Variants in PARG observed in about 807,000 individuals in gnomAD.
PARG encodes the protein mitochondrial poly(ADP-ribose) glycohydrolase.
A neutral mutation model predicts 113.0 loss-of-function variants in PARG; 35 were observed. That is an observed-to-expected ratio of 0.31 (90% CI 0.24 to 0.41). PARG has a LOEUF of 0.41. Among genes scored for constraint, PARG ranks in the 10% least tolerant of loss-of-function variants. The pLI is 1.00. For synonymous variants in PARG, 330 were observed against 409.9 expected (o/e 0.81, Z 2.36); for missense variants, 797 against 1,169.4 (o/e 0.68, Z 4.64).
chr10:49,836,225 CTACTA>C (rs1554831079), intron 15 of PARG, among the ~76,000 whole-genome samples: 1 of 148,742 alleles, frequency 6.7e-6, no homozygotes, highest in African/African-American at 2.5e-5. Flanking sequence ...TGAAATCAAT[CTACTA>C]TACTTCTTTA....
intron 13 of PARG, among the ~76,000 whole-genome samples, chr10:49,854,388 C>G (rs1845891478): frequency 6.6e-6 from 1 of 152,174 alleles, no homozygotes; most frequent in South Asian, 2.1e-4. Context: ...TTGTTTAACA[C>G]TGAAACTTCT....
chr10:49,918,788 G>A (rs1467306811), intron 6 of PARG, among the ~76,000 whole-genome samples: 17 of 152,080 alleles, frequency 1.1e-4, no homozygotes, highest in African/African-American at 3.9e-4. Context: ...AAAATATCTC[G>A]ATGGATTACT....
At chr10:49,837,391 CAT>C (rs201631642) in intron 15 of PARG, among the ~76,000 whole-genome samples, 1,416 of 135,684 alleles carry the variant, frequency 0.01, 14 homozygotes, top group South Asian at 0.032. Context: ...CTCTGGCATG[CAT>C]ATATACACAC....
chr10:49,914,677 A>T (rs1415034615), intron 7 of PARG, among the ~76,000 whole-genome samples: 2 of 152,224 alleles, frequency 1.3e-5, no homozygotes, highest in African/African-American at 4.8e-5. Flanking sequence ...CAGGACACAC[A>T]CTTCCTGATT....
intron 15 of PARG, among the ~76,000 whole-genome samples, chr10:49,840,300 A>G (rs985088624): frequency 5.9e-5 from 9 of 151,914 alleles, no homozygotes; most frequent in Non-Finnish European, 1.3e-4. Flanking sequence ...AGATGGGAGG[A>G]TCACCTGAGC....
chr10:49,864,105 C>T (rs1436899336), intron 11 of PARG, among the ~76,000 whole-genome samples: 42 of 151,084 alleles, frequency 2.8e-4, no homozygotes, highest in Non-Finnish European at 4.4e-4. Context: ...CAAACTGATA[C>T]GAAACAGCGG....
intron 15 of PARG, among the ~76,000 whole-genome samples, chr10:49,836,386 C>G (rs1446123609): frequency 7.0e-6 from 1 of 143,874 alleles, no homozygotes; most frequent in Non-Finnish European, 1.5e-5. Flanking sequence ...CAAACTCCAC[C>G]TCCCGGGTTC....
chr10:49,825,880 G>A (rs1210516948), intron 16 of PARG, among the ~76,000 whole-genome samples: 1 of 152,212 alleles, frequency 6.6e-6, no homozygotes, highest in Non-Finnish European at 1.5e-5. Context: ...TAACTCAGCA[G>A]TATCTCTGAG....
intron 6 of PARG, among the ~76,000 whole-genome samples, chr10:49,919,094 C>T (rs1554848480): frequency 6.6e-6 from 1 of 152,040 alleles, no homozygotes. Context: ...GCACCCACCA[C>T]CGTGCCCGGC....
At chr10:49,899,751 CTGTGCT>C (rs58177571) in intron 7 of PARG, among the ~76,000 whole-genome samples, 9,881 of 151,954 alleles carry the variant, frequency 0.065, 555 homozygotes, top group African/African-American at 0.15. Context: ...ATACAAATGG[CTGTGCT>C]GAGGATCACC....
At chr10:49,819,748 C>T (rs561003281) in intron 17 of PARG, among the ~76,000 whole-genome samples, 2 of 152,300 alleles carry the variant, frequency 1.3e-5, no homozygotes, top group African/African-American at 4.8e-5. Context: ...CATGCACCCT[C>T]GTTATGCACT....
intron 15 of PARG, among the ~76,000 whole-genome samples, chr10:49,840,044 T>C (rs1845147028): frequency 6.6e-6 from 1 of 152,208 alleles, no homozygotes; most frequent in African/African-American, 2.4e-5. Flanking sequence ...GGCAAGAGTT[T>C]GGAACAGTGA....
chr10:49,850,171 G>A lies in PARG; in HGVS notation c.2354-6539C>T, dbSNP rs372212211. Among the ~76,000 whole-genome samples, 98 of 139,106 alleles carry A rather than the reference G, an allele frequency of 7.0e-4. 2 individuals carry two copies. In the South Asian group the frequency reaches 0.024, roughly 33 times the overall value. The allele number at this position is 139,106 out of a possible 152,430, so 91.3% of individuals were successfully genotyped here. On this transcript the variant is annotated intron_variant, in intron 13 of 17. Transcript: ENST00000616448. ...AAAACAATGAGTCCAGAAATAATCC[G>A]AAGGCACTACATAACTGACGCATAC...
intron 7 of PARG, among the ~76,000 whole-genome samples, chr10:49,902,177 A>G (rs1554843876): frequency 6.6e-6 from 1 of 152,214 alleles, no homozygotes; most frequent in Non-Finnish European, 1.5e-5. Flanking sequence ...ATGTAGATAC[A>G]ACTACAGATG....
chr10:49,836,647 A>C (rs1554831170), intron 15 of PARG, among the ~76,000 whole-genome samples: 1 of 152,140 alleles, frequency 6.6e-6, no homozygotes, highest in Non-Finnish European at 1.5e-5. Flanking sequence ...CATTCTCGAA[A>C]AGTAAAGTGA....
intron 7 of PARG, among the ~76,000 whole-genome samples, chr10:49,893,568 G>C (rs1847917683): frequency 6.6e-6 from 1 of 152,168 alleles, no homozygotes; most frequent in Non-Finnish European, 1.5e-5. Flanking sequence ...CAAAGCTGGA[G>C]TGTCGTGATG....
At chr10:49,889,535 T>G (rs1847664867) in intron 7 of PARG, among the ~76,000 whole-genome samples, 1 of 152,162 alleles carries the variant, frequency 6.6e-6, no homozygotes. Context: ...TCTCCTAGGG[T>G]CCCATAGTCC....
At chr10:49,851,940 T>C (rs1229529469) in intron 13 of PARG, among the ~76,000 whole-genome samples, 2 of 150,374 alleles carry the variant, frequency 1.3e-5, no homozygotes, top group Admixed American at 6.6e-5. Flanking sequence ...CCTGTTTGCA[T>C]GACCTGTTTC....
intron 14 of PARG, 39 bp downstream of exon 14, chr10:49,843,515 C>CT (rs1554832736): frequency 7.4e-7 from 1 of 1,351,422 alleles, no homozygotes; most frequent in Admixed American, 2.0e-5. Context: ...AATTCCTTTG[C>CT]TTTTAGCCAT....
Sources: gnomAD v4.1 joint callset for allele counts (sites outside exome capture counted in the v4.1 genomes callset) on GRCh38, gnomAD v4.1.1 for gene constraint, MANE v1.5 for transcripts, NCBI Gene and HGNC (gene_info 2026-07-23, HGNC 2026-07-21) for gene names.